Variants in AMPH observed in about 807,000 individuals in gnomAD.
AMPH encodes amphiphysin, also known as amphiphysin (Stiff-Mann syndrome with breast cancer 128kD autoantigen).
AMPH carries 49 observed loss-of-function variants against 99.1 expected under a neutral mutation model. The ratio of observed to expected loss-of-function variants is 0.49; its 90% CI spans 0.39 to 0.63. The LOEUF (loss-of-function observed/expected upper bound fraction) is 0.63. Ranked by LOEUF, AMPH falls within the 20% of genes least tolerant of loss-of-function variation. The pLI is 0.00. For synonymous variants in AMPH, 314 were observed against 317.3 expected (o/e 0.99, Z 0.11); for missense variants, 759 against 863.4 (o/e 0.88, Z 1.52).
At chr7:38,504,359 T>C (rs561672150) in intron 2 of AMPH, among the ~76,000 whole-genome samples, 87 of 152,320 alleles carry the variant, frequency 5.7e-4, no homozygotes, top group Admixed American at 2.0e-3. Flanking sequence ...TGTTGACATA[T>C]GAATGCCTGT....
intron 7 of AMPH, among the ~76,000 whole-genome samples, chr7:38,470,515 T>C (rs1415507337): frequency 1.3e-5 from 2 of 152,236 alleles, no homozygotes; most frequent in South Asian, 2.1e-4. Flanking sequence ...GAGATATCCC[T>C]CTGTCATGGC....
At position 38,384,917 on chromosome 7, in the gene AMPH, G is replaced by T. The variant is rs759087598; in HGVS notation, c.1989C>A (p.Gly663=). 2 of 1,613,332 alleles carry T rather than the reference G, an allele frequency of 1.2e-6. No homozygotes were observed. The highest frequency in any genetic ancestry group is 2.2e-5 in the South Asian group (2 of 91,046). Residue 663 remains glycine, a synonymous_variant, in exon 21 of 21, where the codon GGC becomes GGA. Transcript: ENST00000356264. ...PSDSEADQDA[G]WLVGVKESDW... is the part of the protein sequence containing the mutation. The stretch of plus-strand genomic sequence containing the variant: ...CTGATTCCTTCACTCCCACCAGCCA[G>T]CCTGCATCCTGAAAAACAATGACAG...
chr7:38,511,833 T>A (rs1336125732), intron 2 of AMPH, among the ~76,000 whole-genome samples: 1 of 152,242 alleles, frequency 6.6e-6, no homozygotes, highest in African/African-American at 2.4e-5. Context: ...AAGATTCTTA[T>A]AACTAATCAG....
intron 1 of AMPH, among the ~76,000 whole-genome samples, chr7:38,591,116 GGCTA>G (rs1433699653): frequency 2.0e-5 from 3 of 151,908 alleles, no homozygotes; most frequent in African/African-American, 7.3e-5. Flanking sequence ...ATTATCATAG[GGCTA>G]GGTTACCAGG....
At chr7:38,464,130 ACATT>A in intron 9 of AMPH, 1 of 1,289,652 alleles carries the variant, frequency 7.8e-7, no homozygotes, top group Non-Finnish European at 1.0e-6. Context: ...AGTGAAAGGA[ACATT>A]CATTAAGTGG....
intron 7 of AMPH, among the ~76,000 whole-genome samples, chr7:38,467,787 T>C (rs139092950): frequency 1.8e-3 from 273 of 151,584 alleles, no homozygotes; most frequent in African/African-American, 6.3e-3. Context: ...ATATCAAAAG[T>C]GAGTGGATAT....
intron 1 of AMPH, among the ~76,000 whole-genome samples, chr7:38,552,622 T>A (rs1355780322): frequency 6.6e-6 from 1 of 152,050 alleles, no homozygotes; most frequent in African/African-American, 2.4e-5. Context: ...CCAAACACAA[T>A]CTCTACATTA....
In AMPH at chr7:38,494,428, C is replaced by T; in HGVS notation, c.300+5G>A. 6.2e-7 allele frequency: 1 copy of T among 1,613,512 alleles called. No individual in the cohort carries two copies. Among genetic ancestry groups the T allele is most frequent in the Non-Finnish European group, 8.5e-7 (1 of 1,179,598 alleles). On this transcript the variant is annotated splice_donor_5th_base_variant and intron_variant, in intron 4 of 20. Transcript: ENST00000356264. ...GAGCCTCATGGAAGCCACCCCAGCT[C>T]TTACCTCACCAACCATTTTCACATC...
In AMPH at chr7:38,557,565, G is replaced by A. The variant is rs534959325; in HGVS notation, c.70-22554C>T. Among the ~76,000 whole-genome samples the A allele has an allele frequency of 9.1e-4, 138 of 152,202 alleles. 2 individuals are homozygous for A. The South Asian group carries it at 0.017, about 19-fold the overall frequency. ...TCGGCCATGATTGTAAGTTTCCTGAGACCTCCCCAGCCATGCTGAACTGTG... is the reference window on the plus strand; with the variant it reads ...TCGGCCATGATTGTAAGTTTCCTGAAACCTCCCCAGCCATGCTGAACTGTG... On this transcript the variant is annotated intron_variant, in intron 1 of 20. Transcript: ENST00000356264.
At chr7:38,495,628 T>A (rs1788904773) in intron 3 of AMPH, among the ~76,000 whole-genome samples, 1 of 151,696 alleles carries the variant, frequency 6.6e-6, no homozygotes, top group African/African-American at 2.4e-5. Flanking sequence ...ATCATTATTG[T>A]AACAAAATGA....
chr7:38,428,546 G>A (rs1163465419), intron 14 of AMPH: 1 of 456,676 alleles, frequency 2.2e-6, no homozygotes, highest in South Asian at 1.5e-5. Context: ...CATCTGTACT[G>A]TCTTGTGCTG....
chr7:38,479,537 T>C (rs964724634), intron 5 of AMPH, among the ~76,000 whole-genome samples: 1 of 151,706 alleles, frequency 6.6e-6, no homozygotes, highest in Admixed American at 6.6e-5. Context: ...TAACTGATCA[T>C]TCAGAGCAAA....
At chr7:38,412,437 G>C (rs759489432) in intron 17 of AMPH, among the ~76,000 whole-genome samples, 52 of 152,154 alleles carry the variant, frequency 3.4e-4, no homozygotes, top group Non-Finnish European at 5.9e-4. Flanking sequence ...ATGGGGCTTT[G>C]GAAATCACAC....
intron 5 of AMPH, among the ~76,000 whole-genome samples, chr7:38,488,375 G>A (rs1264222246): frequency 1.3e-5 from 2 of 152,098 alleles, no homozygotes; most frequent in East Asian, 3.9e-4. Context: ...TCCTTTGCAG[G>A]GACATGGATG....
At chr7:38,487,669 G>T (rs1045234294) in intron 5 of AMPH, among the ~76,000 whole-genome samples, 2 of 151,932 alleles carry the variant, frequency 1.3e-5, no homozygotes, top group Non-Finnish European at 2.9e-5. Flanking sequence ...CAAAATTGAC[G>T]AATGGGGTCT....
chr7:38,391,811 A>G lies in AMPH; in HGVS notation c.1815T>C (p.Ala605=). The G allele has an allele frequency of 1.9e-6, 3 of 1,614,028 alleles. No homozygotes were observed. Among genetic ancestry groups the G allele is most frequent in the Non-Finnish European group, 2.5e-6 (3 of 1,180,016 alleles). The change falls in exon 19 of 21, where the codon GCT becomes GCC. Residue 605 remains alanine (A), a synonymous_variant. Coordinates refer to ENST00000356264, the MANE Select transcript of AMPH (RefSeq NM_001635.4). Reference sequence around the variant, plus strand: ...CCCTTGCAGATGCTAGCTGGTCAGCAGCCCCCATGGCTGGTGCAGAAGGCG... The same window carrying G: ...CCCTTGCAGATGCTAGCTGGTCAGCGGCCCCCATGGCTGGTGCAGAAGGCG... The part of the protein sequence containing the change: ...QPTPSAPAMG[A]ADQLASAREA...
intron 17 of AMPH, among the ~76,000 whole-genome samples, chr7:38,399,949 G>A (rs1489055740): frequency 1.3e-5 from 2 of 152,206 alleles, no homozygotes; most frequent in Non-Finnish European, 2.9e-5. Flanking sequence ...TCTATGAGGT[G>A]CAGAAACTAG....
At chr7:38,536,694 T>C (rs193113607) in intron 1 of AMPH, among the ~76,000 whole-genome samples, 1 of 152,226 alleles carries the variant, frequency 6.6e-6, no homozygotes, top group East Asian at 1.9e-4. Context: ...AAATATGCTA[T>C]TTTTCATTGT....
chr7:38,443,405 C>G (rs2066804750), intron 11 of AMPH, among the ~76,000 whole-genome samples: 1 of 151,844 alleles, frequency 6.6e-6, no homozygotes, highest in African/African-American at 2.4e-5. Flanking sequence ...TAAAAAAAAC[C>G]TATAAATTAA....
Sources: allele counts gnomAD v4.1 joint callset (sites outside exome capture counted in the v4.1 genomes callset), GRCh38; gene constraint gnomAD v4.1.1; transcripts MANE v1.5; gene names NCBI Gene and HGNC (gene_info 2026-07-23, HGNC 2026-07-21).